The following CREB1 variants were observed in gnomAD, a reference collection of about 807,000 sequenced individuals.
CREB1 encodes the protein cAMP responsive element binding protein 1, also known as cyclic AMP-responsive element-binding protein 1.
A neutral mutation model predicts 42.0 loss-of-function variants in CREB1; 2 were observed. The observed-to-expected ratio is 0.05, with a 90% CI of 0.02 to 0.15. The LOEUF (loss-of-function observed/expected upper bound fraction) is 0.15. Ranked by LOEUF, CREB1 falls within the 10% of genes least tolerant of loss-of-function variation. The pLI is 1.00. For synonymous variants in CREB1, 123 were observed against 139.9 expected (o/e 0.88, Z 0.85); for missense variants, 199 against 388.9 (o/e 0.51, Z 4.11).
intron 6 of CREB1, among the ~76,000 whole-genome samples, chr2:207,576,326 G>A (rs755098326): frequency 2.4e-4 from 26 of 109,126 alleles, no homozygotes; most frequent in Non-Finnish European, 3.5e-4. Flanking sequence ...CTTTGGATTT[G>A]TTTGAATATT....
chr2:207,572,615 G>A (rs983571175), intron 5 of CREB1, among the ~76,000 whole-genome samples: 11 of 151,872 alleles, frequency 7.2e-5, no homozygotes, highest in Non-Finnish European at 1.6e-4. Context: ...TGGAATTATC[G>A]ACCATCCTGG....
intron 1 of CREB1, among the ~76,000 whole-genome samples, chr2:207,547,925 A>T (rs976639315): frequency 9.2e-5 from 14 of 152,064 alleles, no homozygotes; most frequent in South Asian, 2.1e-4. Flanking sequence ...TCTATATATC[A>T]GATGATTTTT....
intron 7 of CREB1, among the ~76,000 whole-genome samples, chr2:207,587,190 G>A (rs2084011750): frequency 6.6e-6 from 1 of 152,074 alleles, no homozygotes; most frequent in African/African-American, 2.4e-5. Context: ...TCAGGAGATC[G>A]AGACCATCCT....
chr2:207,536,228 A>G (rs2080864543), intron 1 of CREB1, among the ~76,000 whole-genome samples: 1 of 152,220 alleles, frequency 6.6e-6, no homozygotes, highest in Non-Finnish European at 1.5e-5. Flanking sequence ...CAGCAAGGGC[A>G]CAAATCTCTT....
Position 207,602,806 on chromosome 2 carries a change from G to A in CREB1, c.*5748G>A, listed in dbSNP as rs189904488. 4.1e-3 allele frequency: 893 copies of A among 217,384 alleles called. 3 individuals carry two copies. The highest frequency in any genetic ancestry group is 4.5e-3 in the Admixed American group (77 of 17,234). 13.5% of individuals were successfully genotyped at this position (217,384 alleles called of 1,614,324 possible). ...TTTTTTTTGAGTATAGATTTATTAG[G>A]GGTGGCAAAGAAGAGTGCTAGTTAG... On this transcript the variant is annotated 3_prime_UTR_variant, in exon 8 of 8. Coordinates refer to ENST00000353267, the MANE Select transcript of CREB1 (RefSeq NM_004379.5).
intron 3 of CREB1, among the ~76,000 whole-genome samples, chr2:207,563,667 G>A (rs1212751540): frequency 6.6e-6 from 1 of 152,206 alleles, no homozygotes; most frequent in Non-Finnish European, 1.5e-5. Context: ...AATGAGGTCA[G>A]ACTCCGTGGC....
chr2:207,591,984 T>C lies in CREB1; in HGVS notation c.840-4930T>C, dbSNP rs138676201. 6.3e-3 allele frequency among the ~76,000 whole-genome samples: 956 copies of C among 152,330 alleles called. 10 individuals are homozygous for C. Among genetic ancestry groups the C allele is most frequent in the African/African-American group, 0.021 (889 of 41,584 alleles). On this transcript the variant is annotated intron_variant, in intron 7 of 7. Coordinates refer to ENST00000353267, the MANE Select transcript of CREB1 (RefSeq NM_004379.5). ...TATAAATCCATGTTTTAATCTATTA[T>C]ATTTCTGCCTCAAAAACTCTTTTTT...
intron 7 of CREB1, among the ~76,000 whole-genome samples, chr2:207,582,475 T>C (rs2083092083): frequency 6.6e-6 from 1 of 152,216 alleles, no homozygotes; most frequent in South Asian, 2.1e-4. Context: ...TATAATCCAA[T>C]ACTATTGTTA....
At chr2:207,563,487 G>A (rs2082027869) in intron 3 of CREB1, among the ~76,000 whole-genome samples, 1 of 152,190 alleles carries the variant, frequency 6.6e-6, no homozygotes, top group South Asian at 2.1e-4. Context: ...TTGAAAGCTT[G>A]CATAATTGGT....
chr2:207,581,792 A>T (rs2082989688), intron 7 of CREB1: 1 of 691,952 alleles, frequency 1.4e-6, no homozygotes, highest in African/African-American at 1.8e-5. Flanking sequence ...TTTTTTACTT[A>T]CATAATCCAG....
chr2:207,594,267 T>C (rs1373745207), intron 7 of CREB1, among the ~76,000 whole-genome samples: 1 of 152,196 alleles, frequency 6.6e-6, no homozygotes, highest in Non-Finnish European at 1.5e-5. Flanking sequence ...TAATGAGTTT[T>C]AAGTATTCAG....
At chr2:207,543,025 C>G (rs2081157124) in intron 1 of CREB1, among the ~76,000 whole-genome samples, 1 of 152,168 alleles carries the variant, frequency 6.6e-6, no homozygotes, top group African/African-American at 2.4e-5. Flanking sequence ...GGTACCAAAT[C>G]CACGGATGCT....
At chr2:207,586,666 G>C (rs2083897995) in intron 7 of CREB1, among the ~76,000 whole-genome samples, 1 of 152,184 alleles carries the variant, frequency 6.6e-6, no homozygotes, top group South Asian at 2.1e-4. Context: ...TCTGACAAGG[G>C]ACTGATAACC....
At chr2:207,551,754 A>C (rs1056764079) in intron 1 of CREB1, among the ~76,000 whole-genome samples, 1 of 151,994 alleles carries the variant, frequency 6.6e-6, no homozygotes, top group Admixed American at 6.6e-5. Flanking sequence ...CTTAGAAGAC[A>C]TTTTTCGGCT....
chr2:207,590,108 AATAG>A (rs1318446039), intron 7 of CREB1, among the ~76,000 whole-genome samples: 2 of 17,854 alleles, frequency 1.1e-4, no homozygotes, highest in African/African-American at 1.8e-4. Context: ...TTTTTTTTTT[AATAG>A]ATACGGGATC....
At chr2:207,531,986 T>G (rs917594968) in intron 1 of CREB1, among the ~76,000 whole-genome samples, 1 of 152,220 alleles carries the variant, frequency 6.6e-6, no homozygotes, top group African/African-American at 2.4e-5. Context: ...AATTATAGTA[T>G]TGATAATGGT....
chr2:207,544,988 A>G (rs2081242204), intron 1 of CREB1, among the ~76,000 whole-genome samples: 1 of 152,164 alleles, frequency 6.6e-6, no homozygotes, highest in African/African-American at 2.4e-5. Flanking sequence ...GGTTGATTGC[A>G]TGTCTTCGCT....
intron 7 of CREB1, among the ~76,000 whole-genome samples, chr2:207,593,833 C>T (rs1339027349): frequency 6.6e-6 from 1 of 151,426 alleles, no homozygotes; most frequent in Admixed American, 6.6e-5. Context: ...ATTTTCCTAC[C>T]TCAGCCTCCC....
At chr2:207,561,320 C>G (rs1403745089) in intron 3 of CREB1, among the ~76,000 whole-genome samples, 1 of 152,138 alleles carries the variant, frequency 6.6e-6, no homozygotes, top group Admixed American at 6.5e-5. Context: ...TGTTACCTCC[C>G]CAGCCCTTAG....
Sources: allele counts gnomAD v4.1 joint callset (sites outside exome capture counted in the v4.1 genomes callset), GRCh38; gene constraint gnomAD v4.1.1; transcripts MANE v1.5; gene names NCBI Gene and HGNC (gene_info 2026-07-23, HGNC 2026-07-21).